The following TWIST2 variants were observed in gnomAD, a reference collection of about 807,000 sequenced individuals.
TWIST2 encodes the protein twist family bHLH transcription factor 2, also known as twist-related protein 2.
Under a neutral mutation model 11.6 loss-of-function variants are expected in TWIST2, and 1 was observed. The observed-to-expected ratio is 0.09, with a 90% CI of 0.03 to 0.41. The LOEUF (loss-of-function observed/expected upper bound fraction) is 0.41, where lower values mean the gene tolerates loss of function less well. Ranked by LOEUF, TWIST2 falls within the 10% of genes least tolerant of loss-of-function variation. The pLI is 0.98. For missense variants in TWIST2, 168 were observed against 226.4 expected (o/e 0.74, Z 1.66); for synonymous variants, 87 against 96.6 (o/e 0.90, Z 0.58).
At chr2:238,897,807 C>T (rs1574767762) in intron 1 of TWIST2, among the ~76,000 whole-genome samples, 1 of 152,240 alleles carries the variant, frequency 6.6e-6, no homozygotes, top group Non-Finnish European at 1.5e-5. Context: ...AGCTGGGAGC[C>T]TACCCGGAGC....
At chr2:238,898,236 A>G (rs1279343537) in intron 1 of TWIST2, among the ~76,000 whole-genome samples, 1 of 152,350 alleles carries the variant, frequency 6.6e-6, no homozygotes, top group East Asian at 1.9e-4. Context: ...TGTGTGACAT[A>G]GTGTGGCCCA....
chr2:238,886,914 A>G (rs1693047975), intron 1 of TWIST2: 1 of 152,242 alleles, frequency 6.6e-6, no homozygotes, highest in Admixed American at 6.5e-5. Flanking sequence ...GGCTAAGAAC[A>G]TGCTTGAATC....
At position 238,864,510 on chromosome 2, in the gene TWIST2, C is replaced by T. The variant is rs1044468116; in HGVS notation, c.*35+15777C>T. 6.6e-6 allele frequency among the ~76,000 whole-genome samples: 1 copy of T among 152,028 alleles called. No individual in the cohort carries two copies. Among genetic ancestry groups the T allele is most frequent in the Non-Finnish European group, 1.5e-5 (1 of 67,990 alleles). On this transcript the variant is annotated intron_variant, in intron 1 of 1. Transcript: ENST00000612363. The surrounding 1 kb of genome is among the most constrained non-coding windows in gnomAD (Gnocchi z 4.7). ...CTGGAGCAGAGTGCAGGGTTGGAGG[C>T]GGCTCCCAGTTCCAAGGCGCGCCCC...
intron 1 of TWIST2, among the ~76,000 whole-genome samples, chr2:238,851,103 T>A (rs1047913231): frequency 6.6e-5 from 10 of 152,372 alleles, no homozygotes; most frequent in African/African-American, 2.2e-4. Context: ...CAGCAAAGAA[T>A]CTCTAGACAT....
At position 238,867,698 on chromosome 2, in the gene TWIST2, G is replaced by A. The variant is rs907979886; in HGVS notation, c.*35+18965G>A. 4.6e-5 allele frequency among the ~76,000 whole-genome samples: 7 copies of A among 152,212 alleles called. No individual in the cohort carries two copies. The highest frequency in any genetic ancestry group is 1.7e-4 in the African/African-American group (7 of 41,452). On this transcript the variant is annotated intron_variant, in intron 1 of 1. Coordinates refer to ENST00000612363, the MANE Select transcript of TWIST2 (RefSeq NM_001271893.4). This position sits in a 1 kb window ranked among gnomAD's most constrained non-coding sequence, Gnocchi z 4.8. ...CTGGATGCAAGGCAGATGCCACATG[G>A]AACCCTTAGGTATTGAGTGCCCTGA...
chr2:238,891,821 T>C (rs1693139010), intron 1 of TWIST2, among the ~76,000 whole-genome samples: 1 of 152,090 alleles, frequency 6.6e-6, no homozygotes, highest in Non-Finnish European at 1.5e-5. Context: ...TTCCTCTGTT[T>C]GCTCCTAGAG....
chr2:238,902,580 TGTG>T (rs1693282756), intron 1 of TWIST2, among the ~76,000 whole-genome samples: 2 of 147,050 alleles, frequency 1.4e-5, no homozygotes, highest in African/African-American at 5.1e-5. Context: ...TAATGTGAGT[TGTG>T]TGTGTTGTAG....
Position 238,867,511 on chromosome 2 carries a change from G to C in TWIST2, c.*35+18778G>C, listed in dbSNP as rs1692565556. The stretch of plus-strand genomic sequence containing the variant: ...TCCCAGCCAGCTCCCGGGGTGGTGT[G>C]GGCTGAGGAAGAGGCTGGGAGGAGA... On this transcript the variant is annotated intron_variant, in intron 1 of 1. Coordinates refer to ENST00000612363, the MANE Select transcript of TWIST2 (RefSeq NM_001271893.4). The surrounding 1 kb of genome is among the most constrained non-coding windows in gnomAD (Gnocchi z 4.8). Among the ~76,000 whole-genome samples the C allele has an allele frequency of 6.6e-6, 1 of 152,098 alleles. No homozygotes were observed. Among genetic ancestry groups the C allele is most frequent in the South Asian group, 2.1e-4 (1 of 4,818 alleles).
intron 1 of TWIST2, among the ~76,000 whole-genome samples, chr2:238,893,522 C>T (rs1459319102): frequency 6.6e-6 from 1 of 152,138 alleles, no homozygotes; most frequent in East Asian, 1.9e-4. Context: ...GAAAACAGGC[C>T]CCGGAGCCTG....
At chr2:238,851,597 G>C (rs533371979) in intron 1 of TWIST2, among the ~76,000 whole-genome samples, 14 of 151,878 alleles carry the variant, frequency 9.2e-5, no homozygotes, top group African/African-American at 3.1e-4. Context: ...AGAACTTTTA[G>C]CTACTTTGAA....
At chr2:238,868,819 G>A (rs527711842) in intron 1 of TWIST2, among the ~76,000 whole-genome samples, 1 of 152,362 alleles carries the variant, frequency 6.6e-6, no homozygotes, top group Non-Finnish European at 1.5e-5. Context: ...GGCTCAGCAA[G>A]GCTGGAGGGA....
At chr2:238,893,431 A>G (rs1004490864) in intron 1 of TWIST2, among the ~76,000 whole-genome samples, 31,445 of 152,118 alleles carry the variant, frequency 0.21, 3,413 homozygotes, top group East Asian at 0.29. Context: ...AAATTGTTCA[A>G]GGGAGACAGT....
At chr2:238,890,657 T>C (rs575117705) in intron 1 of TWIST2, among the ~76,000 whole-genome samples, 2 of 152,242 alleles carry the variant, frequency 1.3e-5, no homozygotes, top group Non-Finnish European at 2.9e-5. Context: ...TGTTGGAGCA[T>C]GCTACAGTTT....
chr2:238,853,501 T>G (rs907751063), intron 1 of TWIST2, among the ~76,000 whole-genome samples: 5 of 141,610 alleles, frequency 3.5e-5, no homozygotes, highest in Non-Finnish European at 7.7e-5. Context: ...CTAAGCCCAG[T>G]TATAGTTATT....
chr2:238,907,715 TAC>T (rs1395272043), intron 1 of TWIST2, among the ~76,000 whole-genome samples: 7 of 149,800 alleles, frequency 4.7e-5, no homozygotes, highest in South Asian at 2.1e-4. Context: ...ATGCACACAA[TAC>T]ACACACAAAC....
chr2:238,907,148 G>A (rs1472548306), intron 1 of TWIST2, among the ~76,000 whole-genome samples: 2 of 152,288 alleles, frequency 1.3e-5, no homozygotes, highest in Admixed American at 6.5e-5. Flanking sequence ...TGGCAGAAGC[G>A]GCCCTGAGGC....
In TWIST2 at chr2:238,868,495, A is replaced by AT. The variant is rs575795344; in HGVS notation, c.*35+19763dup. Among the ~76,000 whole-genome samples the AT allele has an allele frequency of 8.0e-3, 1,224 of 152,282 alleles. 13 individuals are homozygous for AT. The highest frequency in any genetic ancestry group is 0.028 in the African/African-American group (1,145 of 41,568). On this transcript the variant is annotated intron_variant, in intron 1 of 1. Coordinates refer to ENST00000612363, the MANE Select transcript of TWIST2 (RefSeq NM_001271893.4). ...GCTAAGTCAGGCAGACTCAAGGGGTATGGCCAGACGGATCCCAGTCTCCTC... is the reference window on the plus strand; with the variant it reads ...GCTAAGTCAGGCAGACTCAAGGGGTATTGGCCAGACGGATCCCAGTCTCCTC...
In TWIST2 at chr2:238,848,655, T is replaced by C. The variant is rs1386557620; in HGVS notation, c.440T>C (p.Val147Ala). Residue 147 changes from valine (V) to alanine (A), a missense_variant, in exon 1 of 2, where the codon GTG becomes GCG. Val to Ala is a moderately conservative substitution (Grantham distance 64). Around this residue, in one of 3 missense-constraint regions of TWIST2, gnomAD observed 62 missense variants for 75.3 expected, o/e 0.82. Coordinates refer to ENST00000612363, the MANE Select transcript of TWIST2 (RefSeq NM_001271893.4). ...AHERLSYAFS[V>A]WRMEGAWSMS... ...GAGCGCCTCAGCTACGCCTTCTCCG[T>C]GTGGCGCATGGAGGGCGCGTGGTCC... 6.5e-7 allele frequency: 1 copy of C among 1,536,374 alleles called. No individual in the cohort carries two copies. The highest frequency in any genetic ancestry group is 2.4e-5 in the East Asian group (1 of 40,860).
chr2:238,853,448 GGAGAGAGAGAGA>G (rs375821278), intron 1 of TWIST2, among the ~76,000 whole-genome samples: 10 of 130,634 alleles, frequency 7.7e-5, no homozygotes, highest in East Asian at 4.5e-4. Context: ...AGGGAGAGAT[GGAGAGAGAGAGA>G]GAGAGAGAGA....
Sources: allele counts gnomAD v4.1 joint callset (sites outside exome capture counted in the v4.1 genomes callset), GRCh38; gene constraint gnomAD v4.1.1; regional missense constraint gnomAD v4.1.1; non-coding constraint Gnocchi (gnomAD v3.1); transcripts MANE v1.5; gene names NCBI Gene and HGNC (gene_info 2026-07-23, HGNC 2026-07-21).